Variants in SH3RF1 observed in about 807,000 individuals in gnomAD.
SH3RF1 encodes E3 ubiquitin-protein ligase SH3RF1.
SH3RF1 carries 32 observed loss-of-function variants against 74.0 expected under a neutral mutation model. The observed-to-expected ratio is 0.43, with a 90% CI of 0.33 to 0.58. The LOEUF (loss-of-function observed/expected upper bound fraction) is 0.58, where lower values mean the gene tolerates loss of function less well. SH3RF1 is among the 20% of genes least tolerant of loss of function. The pLI is 0.05. For missense variants in SH3RF1, 954 were observed against 1,130.9 expected, an observed-to-expected ratio of 0.84 and a Z score of 2.24; for synonymous variants, 396 against 439.6, an observed-to-expected ratio of 0.90 and a Z score of 1.24.
intron 4 of SH3RF1, among the ~76,000 whole-genome samples, chr4:169,142,819 A>AC: frequency 6.6e-6 from 1 of 152,236 alleles, no homozygotes; most frequent in Non-Finnish European, 1.5e-5. Context: ...ATTTTGCCTC[A>AC]CATTATAGTC....
chr4:169,144,237 C>T (rs1733834355), intron 4 of SH3RF1, among the ~76,000 whole-genome samples: 2 of 152,220 alleles, frequency 1.3e-5, no homozygotes, highest in South Asian at 4.1e-4. Flanking sequence ...GCTTTGTTGA[C>T]TTGGGCAAGT....
At chr4:169,180,854 A>T (rs1160015322) in intron 2 of SH3RF1, among the ~76,000 whole-genome samples, 3 of 152,216 alleles carry the variant, frequency 2.0e-5, no homozygotes, top group Non-Finnish European at 4.4e-5. Context: ...TAACTCTAAC[A>T]TAAACAAATA....
At chr4:169,205,289 G>A (rs1284643139) in intron 2 of SH3RF1, among the ~76,000 whole-genome samples, 2 of 152,150 alleles carry the variant, frequency 1.3e-5, no homozygotes, top group Non-Finnish European at 2.9e-5. Flanking sequence ...GGTATCAGAG[G>A]ACCTATGAAT....
intron 2 of SH3RF1, among the ~76,000 whole-genome samples, chr4:169,172,754 G>A (rs1257246439): frequency 2.6e-5 from 4 of 152,124 alleles, no homozygotes; most frequent in Non-Finnish European, 5.9e-5. Flanking sequence ...ATTTGGGCTG[G>A]GAGAGAAAGA....
At chr4:169,109,378 A>G (rs1397777647) in intron 10 of SH3RF1, among the ~76,000 whole-genome samples, 1 of 152,254 alleles carries the variant, frequency 6.6e-6, no homozygotes, top group Non-Finnish European at 1.5e-5. Context: ...TAATTCATCT[A>G]AAATGATTAA....
intron 2 of SH3RF1, among the ~76,000 whole-genome samples, chr4:169,178,848 C>T (rs184202237): frequency 2.0e-5 from 3 of 152,286 alleles, no homozygotes; most frequent in East Asian, 3.9e-4. Flanking sequence ...ATGGGTTGTA[C>T]TCTTGAAAAT....
Position 169,120,911 on chromosome 4 carries a change from A to T in SH3RF1, c.1425T>A (p.Phe475Leu), listed in dbSNP as rs753280716. Residue 475 changes from phenylalanine to leucine, a missense_variant, in exon 8 of 12, where the codon TTT becomes TTA. By Grantham distance (22) the Phe-to-Leu change is conservative. Transcript: ENST00000284637. Reference sequence around the variant, plus strand: ...TGAACCAGCCATCCTGGCAGCGCTCAAACACTAAAAACATCTCCCCTTTTC... The same window carrying T: ...TGAACCAGCCATCCTGGCAGCGCTCTAACACTAAAAACATCTCCCCTTTTC... ...ELRKGEMFLVFERCQDGWFKG... is the reference protein window; with the variant it reads ...ELRKGEMFLVLERCQDGWFKG... The T allele has an allele frequency of 6.2e-7, 1 of 1,614,212 alleles. No homozygotes were observed. Among genetic ancestry groups the T allele is most frequent in the Non-Finnish European group, 8.5e-7 (1 of 1,180,028 alleles).
At chr4:169,140,181 A>T (rs1733761097) in intron 4 of SH3RF1, among the ~76,000 whole-genome samples, 1 of 152,258 alleles carries the variant, frequency 6.6e-6, no homozygotes, top group Admixed American at 6.5e-5. Context: ...CATTAAGTAA[A>T]TCAGGCAGAA....
chr4:169,269,169 C>T lies in SH3RF1; in HGVS notation c.44G>A (p.Cys15Tyr). The T allele has an allele frequency of 6.2e-7, 1 of 1,606,524 alleles. No homozygotes were observed. Residue 15 changes from cysteine (C) to tyrosine (Y), a missense_variant, in exon 2 of 12, where the codon TGT becomes TAT. Physicochemically the swap from Cys to Tyr is radical, Grantham distance 194. This residue lies in a region of SH3RF1 where 64 missense variants were observed against 101.9 expected (regional missense o/e 0.63). Transcript: ENST00000284637. ...ALLDLLECPV[C>Y]LERLDASAKV... Reference sequence around the variant, plus strand: ...CGCAGAAGCATCAAGGCGCTCTAGACACACCGGACACTCCAAAAGATCCAA... The same window carrying T: ...CGCAGAAGCATCAAGGCGCTCTAGATACACCGGACACTCCAAAAGATCCAA...
Position 169,155,537 on chromosome 4 carries a change from G to A in SH3RF1, c.708C>T (p.Asn236=), listed in dbSNP as rs754914503. ...VLTVIRRVDE[N]WAEGMLADKI... Reference sequence around the variant, plus strand: ...TGTCTGCCAGCATTCCTTCAGCCCAGTTTTCATCCACTCTTCGGATCACAG... The same window carrying A: ...TGTCTGCCAGCATTCCTTCAGCCCAATTTTCATCCACTCTTCGGATCACAG... The change falls in exon 4 of 12, where the codon AAC becomes AAT. Residue 236 remains asparagine, a synonymous_variant. Coordinates refer to ENST00000284637, the MANE Select transcript of SH3RF1 (RefSeq NM_020870.4). 1 of 1,613,658 alleles carries A rather than the reference G, an allele frequency of 6.2e-7. No individual in the cohort carries two copies. Among genetic ancestry groups the A allele is most frequent in the East Asian group, 2.2e-5 (1 of 44,856 alleles).
intron 2 of SH3RF1, among the ~76,000 whole-genome samples, chr4:169,234,910 A>G (rs1730803546): frequency 6.6e-6 from 1 of 152,132 alleles, no homozygotes; most frequent in Non-Finnish European, 1.5e-5. Context: ...ACGAGATGCC[A>G]GTAGCAACCC....
intron 2 of SH3RF1, among the ~76,000 whole-genome samples, chr4:169,160,215 A>ACTG (rs1491198776): frequency 2.6e-5 from 4 of 152,222 alleles, no homozygotes; most frequent in African/African-American, 9.6e-5. Context: ...ACCATTCTGA[A>ACTG]CTGCTCCTTG....
chr4:169,179,894 T>C (rs927866390), intron 2 of SH3RF1, among the ~76,000 whole-genome samples: 3 of 152,216 alleles, frequency 2.0e-5, no homozygotes, highest in Admixed American at 6.5e-5. Context: ...CACTAAGTCA[T>C]ACCAGAAGCC....
intron 2 of SH3RF1, among the ~76,000 whole-genome samples, chr4:169,194,032 C>T (rs1249794372): frequency 6.6e-6 from 1 of 152,078 alleles, no homozygotes; most frequent in African/African-American, 2.4e-5. Flanking sequence ...TAGCCTACTA[C>T]CTTCGTAGTC....
rs1300617954 is a variant in SH3RF1, at chr4:169,122,356, T to C, written c.1180-90A>G. 3 of 1,398,324 alleles carry C rather than the reference T, an allele frequency of 2.1e-6. No individual in the cohort carries two copies. In the African/African-American group the frequency reaches 4.3e-5, roughly 20 times the overall value. 86.6% of individuals were successfully genotyped at this position (1,398,324 alleles called of 1,614,324 possible). On this transcript the variant is annotated intron_variant, in intron 6 of 11. Coordinates refer to ENST00000284637, the MANE Select transcript of SH3RF1 (RefSeq NM_020870.4). ...TATGGAAGGTGGGAGAGAAAAAGAA[T>C]TATAAATCCATAGAACAAGACTTTA...
intron 10 of SH3RF1, among the ~76,000 whole-genome samples, chr4:169,115,296 C>T (rs1038624857): frequency 6.6e-6 from 1 of 152,178 alleles, no homozygotes; most frequent in South Asian, 2.1e-4. Context: ...CTGTGAGGAA[C>T]CAGGCCGCAC....
At chr4:169,128,133 A>G (rs1733555765) in intron 6 of SH3RF1, among the ~76,000 whole-genome samples, 1 of 152,218 alleles carries the variant, frequency 6.6e-6, no homozygotes, top group African/African-American at 2.4e-5. Context: ...TAAGAAATCA[A>G]GTTAGAATTT....
chr4:169,132,679 G>T (rs555272702), intron 5 of SH3RF1, among the ~76,000 whole-genome samples: 4 of 152,042 alleles, frequency 2.6e-5, no homozygotes, highest in Non-Finnish European at 4.4e-5. Context: ...AAGTAAGGTG[G>T]GGAAGAGTTG....
intron 2 of SH3RF1, among the ~76,000 whole-genome samples, chr4:169,194,573 C>A (rs974869189): frequency 1.3e-5 from 2 of 152,176 alleles, no homozygotes; most frequent in African/African-American, 2.4e-5. Context: ...TTGAAGCATA[C>A]TATTCCACTA....
Sources: allele counts gnomAD v4.1 joint callset (sites outside exome capture counted in the v4.1 genomes callset), GRCh38; gene constraint gnomAD v4.1.1; regional missense constraint gnomAD v4.1.1; transcripts MANE v1.5; gene names NCBI Gene and HGNC (gene_info 2026-07-23, HGNC 2026-07-21).